Variants in CDH13 observed in about 807,000 individuals in gnomAD.
CDH13 encodes cadherin 13.
A neutral mutation model predicts 63.8 loss-of-function variants in CDH13; 24 were observed. The ratio of observed to expected loss-of-function variants is 0.38; its 90% CI spans 0.27 to 0.53. The LOEUF is 0.53. Among genes scored for constraint, CDH13 ranks in the 20% least tolerant of loss-of-function variants. CDH13 has a pLI of 0.85. For missense variants in CDH13, 1,049 were observed against 903.1 expected, an observed-to-expected ratio of 1.16 and a Z score of -2.07; for synonymous variants, 503 against 355.3, an observed-to-expected ratio of 1.42 and a Z score of -4.67.
chr16:83,073,667 T>G lies in CDH13; in HGVS notation c.366+41449T>G, dbSNP rs138415780. Reference sequence around the variant, plus strand: ...TTGACGAAACAGAGAAAATGTGGCCTGCTTAGTCAGTTACCCTGACACTAT... The same window carrying G: ...TTGACGAAACAGAGAAAATGTGGCCGGCTTAGTCAGTTACCCTGACACTAT... On this transcript the variant is annotated intron_variant, in intron 3 of 13. Transcript: ENST00000567109. Among the ~76,000 whole-genome samples, 569 of 152,210 alleles carry G rather than the reference T, an allele frequency of 3.7e-3. 2 individuals carry two copies. The highest frequency in any genetic ancestry group is 0.013 in the African/African-American group (546 of 41,542).
At chr16:83,018,307 A>T (rs767410211) in intron 2 of CDH13, among the ~76,000 whole-genome samples, 2 of 152,204 alleles carry the variant, frequency 1.3e-5, no homozygotes, top group African/African-American at 4.8e-5. Flanking sequence ...AAGTATCATG[A>T]AAATAGATGC....
chr16:83,467,221 A>C (rs550741135), intron 6 of CDH13, among the ~76,000 whole-genome samples: 1 of 152,362 alleles, frequency 6.6e-6, no homozygotes, highest in Non-Finnish European at 1.5e-5. Flanking sequence ...AAGAGAAAAC[A>C]AATACACCGT....
intron 8 of CDH13, among the ~76,000 whole-genome samples, chr16:83,656,571 C>T (rs1912890289): frequency 6.6e-6 from 1 of 152,080 alleles, no homozygotes. Flanking sequence ...GGGACCAGAA[C>T]CCCTGAGCCA....
chr16:83,009,179 G>C (rs1168910129), intron 2 of CDH13, among the ~76,000 whole-genome samples: 1 of 152,192 alleles, frequency 6.6e-6, no homozygotes, highest in African/African-American at 2.4e-5. Flanking sequence ...CTTCATTCAA[G>C]AGAATGAATG....
At chr16:83,171,535 A>G (rs1422538392) in intron 4 of CDH13, 12 of 1,534,498 alleles carry the variant, frequency 7.8e-6, no homozygotes, top group Middle Eastern at 3.4e-4. Flanking sequence ...AAGATTTGGC[A>G]AGTTCTGTGC....
chr16:83,095,156 A>G (rs753334381), intron 3 of CDH13, among the ~76,000 whole-genome samples: 6 of 152,254 alleles, frequency 3.9e-5, no homozygotes, highest in Non-Finnish European at 7.3e-5. Flanking sequence ...ACTGTGGTAT[A>G]AATACTCACA....
intron 2 of CDH13, among the ~76,000 whole-genome samples, chr16:82,929,651 CAA>C (rs71146097): frequency 2.9e-4 from 13 of 44,272 alleles, no homozygotes; most frequent in African/African-American, 1.6e-3. Flanking sequence ...GACTCCATCT[CAA>C]AAAAAAAAAA....
intron 1 of CDH13, among the ~76,000 whole-genome samples, chr16:82,710,577 A>AT (rs1317601829): frequency 1.6e-5 from 2 of 121,790 alleles, no homozygotes; most frequent in South Asian, 2.4e-4. Context: ...ATATATATAT[A>AT]AATATATTTC....
intron 2 of CDH13, among the ~76,000 whole-genome samples, chr16:83,022,372 T>C (rs2040011756): frequency 6.6e-6 from 1 of 152,234 alleles, no homozygotes; most frequent in African/African-American, 2.4e-5. Flanking sequence ...TACATTCTTA[T>C]GCTCTGGGGC....
chr16:83,055,950 A>G (rs890542226), intron 3 of CDH13, among the ~76,000 whole-genome samples: 1 of 152,168 alleles, frequency 6.6e-6, no homozygotes, highest in Non-Finnish European at 1.5e-5. Flanking sequence ...TTTGTAATAT[A>G]TGGGTCTATT....
intron 2 of CDH13, among the ~76,000 whole-genome samples, chr16:83,001,137 C>G (rs144543189): frequency 2.8e-4 from 43 of 152,312 alleles, no homozygotes; most frequent in African/African-American, 9.1e-4. Flanking sequence ...GATCGTAAGT[C>G]CCTTGAAGAA....
chr16:82,669,429 T>C (rs1392996908), intron 1 of CDH13, among the ~76,000 whole-genome samples: 1 of 152,248 alleles, frequency 6.6e-6, no homozygotes, highest in Non-Finnish European at 1.5e-5. Context: ...GTGGGTCTTT[T>C]AGGACTTACC....
chr16:82,870,817 A>C (rs1261014457), intron 2 of CDH13, among the ~76,000 whole-genome samples: 2 of 152,232 alleles, frequency 1.3e-5, no homozygotes, highest in Admixed American at 1.3e-4. Context: ...AATCTATGTA[A>C]AGGGTTTTGA....
chr16:83,415,450 A>G (rs1172357431), intron 6 of CDH13, among the ~76,000 whole-genome samples: 1 of 152,180 alleles, frequency 6.6e-6, no homozygotes, highest in East Asian at 1.9e-4. Flanking sequence ...AAAGCCAGAC[A>G]AACACCACAA....
chr16:82,777,665 G>T (rs1244171784), intron 1 of CDH13, among the ~76,000 whole-genome samples: 4 of 152,214 alleles, frequency 2.6e-5, no homozygotes, highest in African/African-American at 9.7e-5. Context: ...TATGGGTGCA[G>T]CTTAGCTGGG....
chr16:82,846,064 A>G (rs1271285685), intron 1 of CDH13, among the ~76,000 whole-genome samples: 1 of 152,222 alleles, frequency 6.6e-6, no homozygotes, highest in African/African-American at 2.4e-5. Context: ...GAGACAAAAC[A>G]CCTTCAAATA....
At chr16:83,018,108 C>T (rs1369364867) in intron 2 of CDH13, among the ~76,000 whole-genome samples, 2 of 152,166 alleles carry the variant, frequency 1.3e-5, no homozygotes, top group Admixed American at 6.5e-5. Context: ...TGTGGTGAAC[C>T]TGAGTTCAAA....
intron 7 of CDH13, among the ~76,000 whole-genome samples, chr16:83,568,546 T>C (rs1476816292): frequency 5.3e-5 from 8 of 152,212 alleles, no homozygotes; most frequent in Admixed American, 6.5e-5. Flanking sequence ...GCTGTCACTT[T>C]AGGAGATGAT....
chr16:83,614,510 G>A (rs1272987644), intron 8 of CDH13, among the ~76,000 whole-genome samples: 3 of 152,180 alleles, frequency 2.0e-5, no homozygotes, highest in Admixed American at 2.0e-4. Context: ...ATGCCTTCAA[G>A]GGTAAAAGTT....
Sources: gnomAD v4.1 joint callset for allele counts (sites outside exome capture counted in the v4.1 genomes callset) on GRCh38, gnomAD v4.1.1 for gene constraint, MANE v1.5 for transcripts, NCBI Gene and HGNC (gene_info 2026-07-23, HGNC 2026-07-21) for gene names.